The following NEMF variants were observed in gnomAD, a reference collection of about 807,000 sequenced individuals.
NEMF encodes nuclear export mediator factor.
A neutral mutation model predicts 162.2 loss-of-function variants in NEMF; 89 were observed. That is an observed-to-expected ratio of 0.55 (90% CI 0.46 to 0.65). The LOEUF is 0.65. Among genes scored for constraint, NEMF ranks in the 30% least tolerant of loss-of-function variants. The pLI is 0.00. For synonymous variants in NEMF, 421 were observed against 404.5 expected, an observed-to-expected ratio of 1.04 and a Z score of -0.49; for missense variants, 1,133 against 1,261.9, an observed-to-expected ratio of 0.90 and a Z score of 1.55.
intron 5 of NEMF, among the ~76,000 whole-genome samples, chr14:49,839,080 T>TA (rs397800988): frequency 1.2e-4 from 18 of 150,834 alleles, no homozygotes; most frequent in Non-Finnish European, 2.2e-4. Context: ...TTTTTTTTTT[T>TA]ATTTTTTTTA....
intron 16 of NEMF, among the ~76,000 whole-genome samples, chr14:49,824,104 A>G (rs1892221215): frequency 1.3e-5 from 2 of 152,178 alleles, no homozygotes; most frequent in South Asian, 4.1e-4. Context: ...CAGGAAGCGG[A>G]GGTTGCAGTG....
chr14:49,820,385 T>G (rs1457836467), intron 16 of NEMF: 6 of 456,182 alleles, frequency 1.3e-5, no homozygotes, highest in Non-Finnish European at 2.6e-5. Flanking sequence ...CTCAAACCTG[T>G]CAGCACTTAC....
In NEMF at chr14:49,851,882, AG is replaced by A; in HGVS notation, c.60-8del. On this transcript the variant is annotated splice_region_variant and splice_polypyrimidine_tract_variant and intron_variant, in intron 1 of 32. Transcript: ENST00000298310. ...TACTCTCATTCCTAGCAAGCTGCAA[AG>A]ATAAAGGAAACATGTAACATGTTAC... The A allele has an allele frequency of 6.5e-7, 1 of 1,537,420 alleles. No individual in the cohort carries two copies. Among genetic ancestry groups the A allele is most frequent in the Non-Finnish European group, 8.9e-7 (1 of 1,125,276 alleles).
At chr14:49,816,964 T>C (rs1891744669) in intron 16 of NEMF, among the ~76,000 whole-genome samples, 1 of 151,918 alleles carries the variant, frequency 6.6e-6, no homozygotes, top group South Asian at 2.1e-4. Flanking sequence ...ACAGAACAAA[T>C]GGGACAAGCA....
chr14:49,790,536 G>T (rs573520741), intron 26 of NEMF, among the ~76,000 whole-genome samples: 12 of 152,218 alleles, frequency 7.9e-5, no homozygotes, highest in African/African-American at 2.9e-4. Context: ...CTACGGATGG[G>T]GGACAACTGG....
At position 49,825,872 on chromosome 14, in the gene NEMF, T is replaced by C. The variant is rs762371847; in HGVS notation, c.1572A>G (p.Val524=). ...GAAAGAGACAGAACACTTACCAATA[T>C]ACTTTTCTTGCTTTTTGAATAGAGG... ...TVTSIQKARK[V]YWFEKFLWFI... Residue 524 remains valine (V), a synonymous_variant, in exon 16 of 33, where the codon GTA becomes GTG. Transcript: ENST00000298310. 4 of 1,580,114 alleles carry C rather than the reference T, an allele frequency of 2.5e-6. No homozygotes were observed. The highest frequency in any genetic ancestry group is 3.5e-6 in the Non-Finnish European group (4 of 1,152,492).
chr14:49,789,722 AGTTGG>A, intron 26 of NEMF, 149 bp from the exon 27 acceptor site: 1 of 1,174,248 alleles, frequency 8.5e-7, no homozygotes, highest in Non-Finnish European at 1.2e-6. Flanking sequence ...AAGGCTACAA[AGTTGG>A]ATAACTGAAG....
At chr14:49,831,504 C>A (rs1215442691) in intron 10 of NEMF, 143 bp from the exon 11 acceptor site, 19 of 592,176 alleles carry the variant, frequency 3.2e-5, no homozygotes, top group Non-Finnish European at 5.1e-5. Flanking sequence ...GTGGCGCGAT[C>A]TAGGCTCACT....
intron 11 of NEMF, among the ~76,000 whole-genome samples, chr14:49,829,799 G>A (rs1008417211): frequency 2.0e-5 from 3 of 151,896 alleles, no homozygotes; most frequent in African/African-American, 4.8e-5. Context: ...AATAGAGACC[G>A]GGTCCCGCTA....
chr14:49,846,388 T>C, intron 3 of NEMF, 123 bp from the exon 4 acceptor site: 1 of 855,922 alleles, frequency 1.2e-6, no homozygotes, highest in East Asian at 2.5e-5. Flanking sequence ...TGAATAACAG[T>C]ATAGTCATAA....
rs1889962315 is a variant in NEMF at position 49,782,664 on chromosome 14, A to C, written c.*1972T>G. The C allele has an allele frequency of 1.4e-6, 2 of 1,401,206 alleles. No individual in the cohort carries two copies. The highest frequency in any genetic ancestry group is 1.4e-5 in the African/African-American group (1 of 69,348). The allele number at this position is 1,401,206 out of a possible 1,614,324, so 86.8% of individuals were successfully genotyped here. ...TTCCTAAGACTTAGCACTCTCGAAA[A>C]ACTAGGTTTATGGATTATTTAAGGG... On this transcript the variant is annotated 3_prime_UTR_variant, in exon 33 of 33. Coordinates refer to ENST00000298310, the MANE Select transcript of NEMF (RefSeq NM_004713.6).
intron 6 of NEMF, 91 bp from the exon 7 acceptor site, chr14:49,834,540 G>T: frequency 1.2e-6 from 1 of 865,594 alleles, no homozygotes; most frequent in Non-Finnish European, 1.8e-6. Context: ...CGTCGCCCAG[G>T]CCGGAGTGCA....
chr14:49,793,278 A>T (rs1404282851), intron 26 of NEMF, among the ~76,000 whole-genome samples: 1 of 152,226 alleles, frequency 6.6e-6, no homozygotes, highest in Non-Finnish European at 1.5e-5. Context: ...ATGACTGCCT[A>T]CAGATGAAGT....
At chr14:49,798,836 G>A (rs1038818196) in intron 25 of NEMF, among the ~76,000 whole-genome samples, 1 of 152,048 alleles carries the variant, frequency 6.6e-6, no homozygotes, top group African/African-American at 2.4e-5. Context: ...GAACCCGGGA[G>A]GTGGGGCTTG....
Position 49,814,058 on chromosome 14 carries a change from A to G in NEMF, c.1682-8T>C. On this transcript the variant is annotated splice_polypyrimidine_tract_variant and splice_region_variant and intron_variant, in intron 17 of 32. Transcript: ENST00000298310. ...CATGTACATAAATGTCTCCTTAAAT[A>G]CAGACAAATAAAAAATGACACTTTA... 1.3e-6 allele frequency: 2 copies of G among 1,489,656 alleles called. No individual in the cohort carries two copies. Among genetic ancestry groups the G allele is most frequent in the Admixed American group, 1.7e-5 (1 of 58,424 alleles). 92.3% of individuals were successfully genotyped at this position (1,489,656 alleles called of 1,614,324 possible).
chr14:49,834,115 G>A (rs1236380030), intron 7 of NEMF: 3 of 573,260 alleles, frequency 5.2e-6, no homozygotes, highest in Non-Finnish European at 9.8e-6. Flanking sequence ...TTTGAGATGG[G>A]GGTCTCACTC....
chr14:49,814,308 G>C (rs1419065194), intron 17 of NEMF, among the ~76,000 whole-genome samples: 1 of 151,942 alleles, frequency 6.6e-6, no homozygotes, highest in African/African-American at 2.4e-5. Context: ...TCACCATGTT[G>C]GCCAGGCTGT....
intron 16 of NEMF, chr14:49,820,272 C>T: frequency 3.8e-5 from 14 of 367,846 alleles, no homozygotes; most frequent in South Asian, 2.8e-4. Flanking sequence ...TGACAGCAGG[C>T]AAGTGTCTGT....
chr14:49,852,489 G>A (rs1031084884), intron 1 of NEMF, among the ~76,000 whole-genome samples: 1 of 152,264 alleles, frequency 6.6e-6, no homozygotes, highest in African/African-American at 2.4e-5. Context: ...AGGACGCGGG[G>A]GATGGGGCAC....
Sources: allele counts gnomAD v4.1 joint callset (sites outside exome capture counted in the v4.1 genomes callset), GRCh38; gene constraint gnomAD v4.1.1; transcripts MANE v1.5; gene names NCBI Gene and HGNC (gene_info 2026-07-23, HGNC 2026-07-21).